Variants in NPHP3 observed in about 807,000 individuals in gnomAD.
The protein encoded by NPHP3 is nephrocystin 3.
Under a neutral mutation model 171.9 loss-of-function variants are expected in NPHP3, and 123 were observed. The ratio of observed to expected loss-of-function variants is 0.72; its 90% CI spans 0.62 to 0.83. The LOEUF is 0.83. NPHP3 is among the 40% of genes least tolerant of loss of function. The probability of loss-of-function intolerance (pLI) is 0.00; values close to 1 mark genes in which losing one functional copy is unlikely to be tolerated. For synonymous variants in NPHP3, 558 were observed against 579.2 expected (o/e 0.96, Z 0.52); for missense variants, 1,506 against 1,591.9 (o/e 0.95, Z 0.92).
intron 1 of NPHP3, 39 bp from the exon 2 acceptor site, chr3:132,719,869 T>A: frequency 7.0e-7 from 1 of 1,435,842 alleles, no homozygotes; most frequent in Non-Finnish European, 9.5e-7. Context: ...ACAAAAATAG[T>A]CTTGCTCCTC....
At chr3:132,698,547 G>T (rs189366376) in intron 13 of NPHP3, among the ~76,000 whole-genome samples, 28 of 152,250 alleles carry the variant, frequency 1.8e-4, no homozygotes, top group Admixed American at 1.6e-3. Context: ...GAAGTGCTGG[G>T]ATTACAGATG....
chr3:132,700,675 T>G (rs555788534), intron 10 of NPHP3, among the ~76,000 whole-genome samples: 4 of 152,258 alleles, frequency 2.6e-5, no homozygotes, highest in African/African-American at 9.6e-5. Context: ...AGATGTTAAT[T>G]AACAGAAACC....
rs1939464043 is a variant in NPHP3 at position 132,696,766 on chromosome 3, G to C, written c.2136C>G (p.Ala712=). ...TTTTGCCGAAAAGGGTGACATAAAG[G>C]GCATTGCAGGTTGTAGCAGAACGAC... ...RHCRSATTCN[A]LYVTLFGKMI... The change falls in exon 15 of 27, where the codon GCC becomes GCG. Residue 712 remains alanine (A), a synonymous_variant. Coordinates refer to ENST00000337331, the MANE Select transcript of NPHP3 (RefSeq NM_153240.5). 6.2e-7 allele frequency: 1 copy of C among 1,613,954 alleles called. No homozygotes were observed. Among genetic ancestry groups the C allele is most frequent in the South Asian group, 1.1e-5 (1 of 91,076 alleles).
intron 8 of NPHP3, among the ~76,000 whole-genome samples, chr3:132,705,468 A>G (rs1450743666): frequency 1.3e-5 from 2 of 152,220 alleles, no homozygotes; most frequent in African/African-American, 4.8e-5. Flanking sequence ...TCTCTTAAAT[A>G]GTTTTTGGCT....
At chr3:132,702,711 C>T (rs1197456323) in intron 9 of NPHP3, among the ~76,000 whole-genome samples, 1 of 152,142 alleles carries the variant, frequency 6.6e-6, no homozygotes, top group East Asian at 1.9e-4. Flanking sequence ...AATTTTTCTA[C>T]TTGTTATATT....
Position 132,715,342 on chromosome 3 carries a change from A to G in NPHP3, c.824-124T>C, listed in dbSNP as rs1409603368. ...TCTGATCTTACATGTTAATACTGCC[A>G]TACCTTCTAGAGTAATATATTCAAA... is the stretch of plus-strand genomic sequence containing the variant. On this transcript the variant is annotated intron_variant, in intron 4 of 26. Coordinates refer to ENST00000337331, the MANE Select transcript of NPHP3 (RefSeq NM_153240.5). The G allele has an allele frequency of 3.8e-5, 29 of 772,678 alleles. 1 individual carries two copies. The highest frequency in any genetic ancestry group is 5.9e-5 in the Non-Finnish European group (26 of 439,240). 47.9% of individuals were successfully genotyped at this position (772,678 alleles called of 1,614,324 possible). A position where few individuals can be genotyped will look rare whatever the true frequency, so the allele number is the denominator to read the frequency against.
chr3:132,699,587 T>C (rs1040430665), intron 12 of NPHP3, 137 bp from the exon 13 acceptor site: 36 of 706,170 alleles, frequency 5.1e-5, no homozygotes, highest in Non-Finnish European at 7.2e-5. Flanking sequence ...GGGTGATTTA[T>C]TTTAGAATTT....
chr3:132,705,854 A>G (rs200010682), intron 7 of NPHP3, 40 bp from the exon 8 acceptor site: 176 of 1,084,950 alleles, frequency 1.6e-4, no homozygotes, highest in Middle Eastern at 1.6e-3. Flanking sequence ...AAAAACCATA[A>G]TATCAGAAGG....
At chr3:132,710,761 G>A (rs73220117) in intron 6 of NPHP3, among the ~76,000 whole-genome samples, 8,137 of 152,052 alleles carry the variant, frequency 0.054, 335 homozygotes, top group African/African-American at 0.12. Context: ...CAAATTAAAG[G>A]CATTAAAGAA....
At chr3:132,688,059 A>G (rs1163040120) in intron 21 of NPHP3, among the ~76,000 whole-genome samples, 1 of 152,198 alleles carries the variant, frequency 6.6e-6, no homozygotes, top group Non-Finnish European at 1.5e-5. Context: ...CCCTAATCTG[A>G]AAACCCAAAT....
chr3:132,706,141 C>T (rs1412414024), intron 7 of NPHP3, among the ~76,000 whole-genome samples: 4 of 151,926 alleles, frequency 2.6e-5, no homozygotes, highest in African/African-American at 7.3e-5. Context: ...GGGCGGTTCA[C>T]GAAGTCAGGA....
intron 16 of NPHP3, chr3:132,693,852 G>C (rs189181993): frequency 1.3e-5 from 2 of 148,932 alleles, no homozygotes; most frequent in Non-Finnish European, 3.0e-5. Flanking sequence ...TAGCCTGGGC[G>C]ACAAGGCGAG....
At chr3:132,720,971 G>A (rs1482278744) in intron 1 of NPHP3, among the ~76,000 whole-genome samples, 1 of 151,904 alleles carries the variant, frequency 6.6e-6, no homozygotes, top group Non-Finnish European at 1.5e-5. Context: ...AAGCTGGAGT[G>A]CAATGGTGCA....
rs1939341441 is a variant in NPHP3, at chr3:132,693,105, C to T, written c.2311-287G>A. On this transcript the variant is annotated intron_variant, in intron 16 of 26. Coordinates refer to ENST00000337331, the MANE Select transcript of NPHP3 (RefSeq NM_153240.5). ...TAAAATGTATTATTATAATTAATGG[C>T]AGAATTCCAATTCCAGGAAGACAGT... is the stretch of plus-strand genomic sequence containing the variant. The T allele has an allele frequency of 9.5e-6, 3 of 316,790 alleles. No individual in the cohort carries two copies. In the East Asian group the frequency reaches 2.1e-4, roughly 22 times the overall value. The allele number at this position is 316,790 out of a possible 1,614,324, so 19.6% of individuals were successfully genotyped here.
At chr3:132,706,566 AAAG>A (rs1474367636) in intron 7 of NPHP3, among the ~76,000 whole-genome samples, 1 of 152,174 alleles carries the variant, frequency 6.6e-6, no homozygotes, top group Admixed American at 6.5e-5. Flanking sequence ...GAGCTGGCTG[AAAG>A]AAGAATGCCC....
intron 24 of NPHP3, among the ~76,000 whole-genome samples, chr3:132,683,965 G>A (rs1939095131): frequency 1.3e-5 from 2 of 152,158 alleles, no homozygotes; most frequent in South Asian, 4.1e-4. Context: ...GACCAGTAAT[G>A]GACCCACAAA....
chr3:132,693,252 C>T (rs1019851978), intron 16 of NPHP3: 1 of 203,696 alleles, frequency 4.9e-6, no homozygotes, highest in Non-Finnish European at 9.9e-6. Flanking sequence ...AAATTGAAGT[C>T]AGAGTGTAAA....
At chr3:132,693,030 C>T (rs1002425701) in intron 16 of NPHP3, 2 of 529,042 alleles carry the variant, frequency 3.8e-6, no homozygotes, top group African/African-American at 3.8e-5. Context: ...ATCTAGCACA[C>T]CAAAGATAAC....
intron 6 of NPHP3, chr3:132,712,295 C>A (rs1156633799): frequency 5.0e-6 from 2 of 397,630 alleles, no homozygotes; most frequent in Non-Finnish European, 9.9e-6. Context: ...AGTTCAAATA[C>A]CTCTCAGTTT....
Sources: gnomAD v4.1 joint callset for allele counts (sites outside exome capture counted in the v4.1 genomes callset) on GRCh38, gnomAD v4.1.1 for gene constraint, MANE v1.5 for transcripts, NCBI Gene and HGNC (gene_info 2026-07-23, HGNC 2026-07-21) for gene names.